BAIAP3: variants seen among roughly 807,000 people sequenced by gnomAD.
The protein encoded by BAIAP3 is BAI1-associated protein 3.
BAIAP3 carries 180 observed loss-of-function variants against 149.7 expected under a neutral mutation model. The ratio of observed to expected loss-of-function variants is 1.20; its 90% CI spans 1.07 to 1.36. BAIAP3 has a LOEUF of 1.36. BAIAP3 is among the 40% of genes most tolerant of loss of function. The pLI, the probability that BAIAP3 is intolerant of heterozygous loss-of-function variation, is 0.00. For synonymous variants in BAIAP3, 845 were observed against 670.7 expected (o/e 1.26, Z -4.02); for missense variants, 1,767 against 1,563.4 (o/e 1.13, Z -2.20).
intron 1 of BAIAP3, 45 bp downstream of exon 1, chr16:1,333,794 GGCT>G (rs2033283362): frequency 6.6e-6 from 1 of 151,974 alleles, no homozygotes; most frequent in South Asian, 2.1e-4. Flanking sequence ...CCGCCGTCTG[GGCT>G]CGGCCCCGCG....
In BAIAP3 at chr16:1,345,852, C is replaced by G; in HGVS notation, c.2170C>G (p.Pro724Ala). The change falls in exon 23 of 34, where the codon CCT becomes GCT. Residue 724 changes from proline to alanine, a missense_variant. By Grantham distance (27) the Pro-to-Ala change is conservative. Transcript: ENST00000426824. ...ELWVRLAWPD[P>A]AQAQGLGTQL... Reference sequence around the variant, plus strand: ...GTGGGTGCGCCTGGCGTGGCCTGACCCTGCCCAGGCTCAGGGGCTGGGCAC... The same window carrying G: ...GTGGGTGCGCCTGGCGTGGCCTGACGCTGCCCAGGCTCAGGGGCTGGGCAC... 1 of 1,579,894 alleles carries G rather than the reference C, an allele frequency of 6.3e-7. No individual in the cohort carries two copies.
At position 1,346,630 on chromosome 16, in the gene BAIAP3, T is replaced by C; in HGVS notation, c.2588T>C (p.Leu863Pro). 1 of 1,519,016 alleles carries C rather than the reference T, an allele frequency of 6.6e-7. No homozygotes were observed. The highest frequency in any genetic ancestry group is 8.8e-7 in the Non-Finnish European group (1 of 1,137,338). 94.1% of individuals were successfully genotyped at this position (1,519,016 alleles called of 1,614,324 possible). ...DEAVAPLMKY[L>P]DEKLALLNAS... ...GCCGTGGCCCCGCTCATGAAGTACC[T>C]GGATGAGAAGCTGGCCCTGCTGAAC... Residue 863 changes from leucine (L) to proline (P), a missense_variant, in exon 27 of 34, where the codon CTG becomes CCG. Leu to Pro is a moderately conservative substitution (Grantham distance 98). Transcript: ENST00000426824.
intron 11 of BAIAP3, 33 bp from the exon 12 acceptor site, chr16:1,342,494 G>C: frequency 6.5e-7 from 1 of 1,532,858 alleles, no homozygotes; most frequent in Non-Finnish European, 8.8e-7. Context: ...AGGGGGAGGA[G>C]TCTGGTGGGC....
At position 1,338,981 on chromosome 16, in the gene BAIAP3, T is replaced by G. The variant is rs369995845; in HGVS notation, c.211T>G (p.Cys71Gly). 4 of 1,612,604 alleles carry G rather than the reference T, an allele frequency of 2.5e-6. No homozygotes were observed. In the African/African-American group the frequency reaches 5.3e-5, roughly 22 times the overall value. Residue 71 changes from cysteine (C) to glycine (G), a missense_variant, in exon 3 of 34, where the codon TGC (cysteine) becomes GGC (glycine). Physicochemically the swap from Cys to Gly is radical, Grantham distance 159. Coordinates refer to ENST00000426824, the MANE Select transcript of BAIAP3 (RefSeq NM_001199097.2). The part of the protein sequence containing the change: ...KKGEGRQGLP[C>G]LEVPLRSGSP... Reference sequence around the variant, plus strand: ...GGGGGAAGGCAGACAGGGCTTGCCGTGCCTCGAGGTAAGGGTGCCACCCCC... The same window carrying G: ...GGGGGAAGGCAGACAGGGCTTGCCGGGCCTCGAGGTAAGGGTGCCACCCCC...
rs1352263027 is a variant in BAIAP3 at position 1,348,764 on chromosome 16, T to A, written c.*282T>A. ...GCAGGCCAGAGCGGGCTTGACCACC[T>A]GGTGGGCCTCCCTGCCCGCTTCCTT... On this transcript the variant is annotated 3_prime_UTR_variant, in exon 34 of 34. Transcript: ENST00000426824. 2.0e-6 allele frequency: 1 copy of A among 494,920 alleles called. No homozygotes were observed. Among genetic ancestry groups the A allele is most frequent in the Admixed American group, 3.6e-5 (1 of 28,018 alleles). The allele number at this position is 494,920 out of a possible 1,614,324, so 30.7% of individuals were successfully genotyped here.
chr16:1,342,746 C>T lies in BAIAP3; in HGVS notation c.1093C>T (p.Arg365Ter), dbSNP rs987085540. The T allele has an allele frequency of 6.2e-7, 1 of 1,612,442 alleles. No individual in the cohort carries two copies. The highest frequency in any genetic ancestry group is 8.5e-7 in the Non-Finnish European group (1 of 1,179,994). ...QRDTAMSQRG[R>*]SGFLSHLLLL... ...GGATACGGCCATGAGCCAGCGCGGG[C>T]GATCCGGCTTCCTGTCCCACCTGCT... Residue 365 changes from arginine (R) to a stop codon, truncating the protein, a stop_gained, in exon 13 of 34, where the codon CGA becomes TGA. Transcript: ENST00000426824. LOFTEE classifies it high-confidence loss of function.
At chr16:1,340,445 AGGTTG>A (rs2033842274) in intron 5 of BAIAP3, among the ~76,000 whole-genome samples, 2 of 101,490 alleles carry the variant, frequency 2.0e-5, no homozygotes, top group Admixed American at 1.2e-4. Flanking sequence ...ACATGCACAC[AGGTTG>A]CAGGTGCACA....
chr16:1,349,199 C>G lies in BAIAP3; in HGVS notation c.*717C>G, dbSNP rs1200415126. Reference sequence around the variant, plus strand: ...GGCAGAGCCGAGAGTTCGCCCCAACCCTTCCCCAGGCCCAGTGTGAAAAAC... The same window carrying G: ...GGCAGAGCCGAGAGTTCGCCCCAACGCTTCCCCAGGCCCAGTGTGAAAAAC... On this transcript the variant is annotated 3_prime_UTR_variant, in exon 34 of 34. Transcript: ENST00000426824. 1.7e-6 allele frequency: 1 copy of G among 573,462 alleles called. No individual in the cohort carries two copies. The highest frequency in any genetic ancestry group is 1.9e-5 in the African/African-American group (1 of 53,388). The allele number at this position is 573,462 out of a possible 1,614,324, so 35.5% of individuals were successfully genotyped here.
chr16:1,348,656 G>A lies in BAIAP3; in HGVS notation c.*174G>A. 1.5e-6 allele frequency: 1 copy of A among 674,410 alleles called. No individual in the cohort carries two copies. Among genetic ancestry groups the A allele is most frequent in the Non-Finnish European group, 2.5e-6 (1 of 396,010 alleles). The allele number at this position is 674,410 out of a possible 1,614,324, so 41.8% of individuals were successfully genotyped here. A position where few individuals can be genotyped will look rare whatever the true frequency, so the allele number is the denominator to read the frequency against. ...ACCGCCCTGGCCGTGTCTGTCTGGT[G>A]TGTGCTGTGAACCCCTGCACCCAAC... On this transcript the variant is annotated 3_prime_UTR_variant, in exon 34 of 34. Transcript: ENST00000426824.
At position 1,348,162 on chromosome 16, in the gene BAIAP3, C is replaced by A; in HGVS notation, c.3216C>A (p.Asp1072Glu). 1 of 1,608,764 alleles carries A rather than the reference C, an allele frequency of 6.2e-7. No individual in the cohort carries two copies. The highest frequency in any genetic ancestry group is 8.5e-7 in the Non-Finnish European group (1 of 1,179,762). ...ACVLFTVMDH[D>E]WLSTNDFAGE... Reference sequence around the variant, plus strand: ...TGTTGTTCACCGTCATGGACCACGACTGGCTGTCCACCAACGACTTCGCTG... The same window carrying A: ...TGTTGTTCACCGTCATGGACCACGAATGGCTGTCCACCAACGACTTCGCTG... The change falls in exon 33 of 34, where the codon GAC (aspartate) becomes GAA (glutamate). Residue 1072 changes from aspartate (D) to glutamate (E), a missense_variant. Asp to Glu is a conservative substitution (Grantham distance 45, BLOSUM62 2). Transcript: ENST00000426824.
Position 1,341,786 on chromosome 16 carries a change from C to T in BAIAP3, c.732-36C>T, listed in dbSNP as rs200715047. ...GACCCCGGCCTGGGCAGAGCCTCGCCGGGGACCCTCATGGGCATCTCTGTT... is the reference window on the plus strand; with the variant it reads ...GACCCCGGCCTGGGCAGAGCCTCGCTGGGGACCCTCATGGGCATCTCTGTT... On this transcript the variant is annotated intron_variant, in intron 8 of 33. Transcript: ENST00000426824. 636 of 1,603,842 alleles carry T rather than the reference C, an allele frequency of 4.0e-4. 4 individuals are homozygous for T. In the South Asian group the frequency reaches 4.4e-3, roughly 11 times the overall value.
chr16:1,348,583 C>T lies in BAIAP3; in HGVS notation c.*101C>T, dbSNP rs915689615. On this transcript the variant is annotated 3_prime_UTR_variant, in exon 34 of 34. Coordinates refer to ENST00000426824, the MANE Select transcript of BAIAP3 (RefSeq NM_001199097.2). ...CTTTGTGCAACCAGGGCCCACGGCG[C>T]CCCTCCTGTGCTGTGACGTGTGTGT... 3.4e-6 allele frequency: 4 copies of T among 1,188,062 alleles called. No individual in the cohort carries two copies. Among genetic ancestry groups the T allele is most frequent in the South Asian group, 1.4e-5 (1 of 72,866 alleles). 73.6% of individuals were successfully genotyped at this position (1,188,062 alleles called of 1,614,324 possible). A position where few individuals can be genotyped will look rare whatever the true frequency, so the allele number is the denominator to read the frequency against.
chr16:1,348,011 T>C lies in BAIAP3; in HGVS notation c.3143T>C (p.Phe1048Ser). ...RTLHPVYDEL[F>S]YFSVPAEACR... ...CTGCACCCTGTATACGACGAACTCT[T>C]CTACTTGTGAGTGTCCTAAGCCCCA... Residue 1048 changes from phenylalanine (F) to serine (S), a missense_variant, in exon 32 of 34, where the codon TTC (phenylalanine) becomes TCC (serine). By Grantham distance (155) the Phe-to-Ser change is radical (BLOSUM62 -2). Coordinates refer to ENST00000426824, the MANE Select transcript of BAIAP3 (RefSeq NM_001199097.2). 1 of 1,608,728 alleles carries C rather than the reference T, an allele frequency of 6.2e-7. No homozygotes were observed. Among genetic ancestry groups the C allele is most frequent in the Non-Finnish European group, 8.5e-7 (1 of 1,179,812 alleles).
At chr16:1,336,919 G>GA (rs1328856742) in intron 1 of BAIAP3, among the ~76,000 whole-genome samples, 1 of 152,208 alleles carries the variant, frequency 6.6e-6, no homozygotes, top group Non-Finnish European at 1.5e-5. Flanking sequence ...GCAAGGCCAG[G>GA]ACCCCGGGGG....
At chr16:1,346,734 G>A in intron 27 of BAIAP3, 50 bp downstream of exon 27, 1 of 1,528,524 alleles carries the variant, frequency 6.5e-7, no homozygotes, top group African/African-American at 1.4e-5. Flanking sequence ...GGTCACTGAG[G>A]CCGCCCTGCA....
At position 1,336,257 on chromosome 16, in the gene BAIAP3, G is replaced by C. The variant is rs986656905; in HGVS notation, c.-10-2283G>C. On this transcript the variant is annotated intron_variant, in intron 1 of 33. Coordinates refer to ENST00000426824, the MANE Select transcript of BAIAP3 (RefSeq NM_001199097.2). ...TCCACCCAGCAAGGGAGGGGAAGGG[G>C]GCTTGTGACTCCCAGGCCCCTGAGG... 13 of 985,268 alleles carry C rather than the reference G, an allele frequency of 1.3e-5. No individual in the cohort carries two copies. The African/African-American group carries it at 2.3e-4, about 17-fold the overall frequency. The allele number at this position is 985,268 out of a possible 1,614,324, so 61.0% of individuals were successfully genotyped here.
chr16:1,348,070 G>A (rs781765352), intron 32 of BAIAP3, 26 bp from the exon 33 acceptor site: 10 of 1,474,586 alleles, frequency 6.8e-6, no homozygotes, highest in Non-Finnish European at 8.0e-6. Context: ...GCCGGAGCGA[G>A]ACTCCCGACT....
intron 5 of BAIAP3, 82 bp downstream of exon 5, chr16:1,339,685 C>T: frequency 9.0e-7 from 1 of 1,116,542 alleles, no homozygotes; most frequent in Non-Finnish European, 1.3e-6. Flanking sequence ...CCATCATCAC[C>T]CAAACAGTAT....
At chr16:1,340,857 C>A in intron 5 of BAIAP3, 65 bp from the exon 6 acceptor site, 1 of 1,518,006 alleles carries the variant, frequency 6.6e-7, no homozygotes, top group South Asian at 1.2e-5. Flanking sequence ...CCCGAGGTCC[C>A]AGCACAGTGG....
Sources: gnomAD v4.1 joint callset for allele counts (sites outside exome capture counted in the v4.1 genomes callset) on GRCh38, gnomAD v4.1.1 for gene constraint, MANE v1.5 for transcripts, NCBI Gene and HGNC (gene_info 2026-07-23, HGNC 2026-07-21) for gene names.